DNAH12: variants seen among roughly 807,000 people sequenced by gnomAD.
DNAH12 encodes the protein dynein axonemal heavy chain 12, also known as axonemal beta dynein heavy chain 12.
DNAH12 carries 285 observed loss-of-function variants against 371.5 expected under a neutral mutation model. The observed-to-expected ratio is 0.77, with a 90% CI of 0.70 to 0.85. The LOEUF (loss-of-function observed/expected upper bound fraction) is 0.85. DNAH12 is among the 40% of genes least tolerant of loss of function. The probability of loss-of-function intolerance (pLI) is 0.00; values close to 1 mark genes in which losing one functional copy is unlikely to be tolerated. For missense variants in DNAH12, 3,611 were observed against 3,689.4 expected, an observed-to-expected ratio of 0.98 and a Z score of 0.55; for synonymous variants, 1,200 against 1,213.0, an observed-to-expected ratio of 0.99 and a Z score of 0.22.
chr3:57,507,321 T>C (rs1383522123), intron 8 of DNAH12, among the ~76,000 whole-genome samples: 1 of 152,104 alleles, frequency 6.6e-6, no homozygotes, highest in African/African-American at 2.4e-5. Context: ...TCAATCAACT[T>C]GGAATCTAAT....
Position 57,361,333 on chromosome 3 carries a change from G to C in DNAH12, c.9360+2261C>G, listed in dbSNP as rs921667681. ...CACTGCACTCCAGCCTGGACAACAA[G>C]AGTAAAACTCTGTCTCAAAAAATAT... On this transcript the variant is annotated intron_variant, in intron 58 of 73. Coordinates refer to ENST00000495027, the MANE Select transcript of DNAH12 (RefSeq NM_001366028.2). 1.5e-4 allele frequency among the ~76,000 whole-genome samples: 23 copies of C among 150,870 alleles called. No homozygotes were observed. The East Asian group carries it at 3.9e-3, about 26-fold the overall frequency.
intron 62 of DNAH12, among the ~76,000 whole-genome samples, chr3:57,330,449 A>C (rs1367494601): frequency 6.6e-6 from 1 of 151,932 alleles, no homozygotes; most frequent in Non-Finnish European, 1.5e-5. Flanking sequence ...CATTCTCAGC[A>C]AACAATTGCA....
At chr3:57,334,989 G>A in intron 60 of DNAH12, 49 bp from the exon 61 acceptor site, 3 of 1,505,084 alleles carry the variant, frequency 2.0e-6, no homozygotes, top group Non-Finnish European at 2.7e-6. Context: ...TTTTAAAATT[G>A]AATGATGTCA....
At chr3:57,332,499 CAA>C (rs1040387167) in intron 62 of DNAH12, among the ~76,000 whole-genome samples, 3 of 152,158 alleles carry the variant, frequency 2.0e-5, no homozygotes, top group Non-Finnish European at 2.9e-5. Context: ...AAAAAGAAAA[CAA>C]ACTGAACGCT....
At position 57,350,367 on chromosome 3, in the gene DNAH12, T is replaced by C. The variant is rs145909277; in HGVS notation, c.9674+1718A>G. On this transcript the variant is annotated intron_variant, in intron 60 of 73. Coordinates refer to ENST00000495027, the MANE Select transcript of DNAH12 (RefSeq NM_001366028.2). ...ACACATACACATTAATGGAACTGAA[T>C]AGACAGTCCAGAAACAGATCTAGAT... Among the ~76,000 whole-genome samples the C allele has an allele frequency of 1.0e-3, 157 of 152,256 alleles. 1 individual carries two copies. The highest frequency in any genetic ancestry group is 3.6e-3 in the African/African-American group (148 of 41,532).
intron 17 of DNAH12, among the ~76,000 whole-genome samples, chr3:57,463,243 C>T (rs1039937934): frequency 1.3e-5 from 2 of 150,922 alleles, no homozygotes; most frequent in African/African-American, 4.9e-5. Flanking sequence ...TACTGCACTC[C>T]GGCCTGGGTG....
At chr3:57,468,372 C>T (rs1044887715) in intron 17 of DNAH12, among the ~76,000 whole-genome samples, 2 of 152,098 alleles carry the variant, frequency 1.3e-5, no homozygotes, top group African/African-American at 4.8e-5. Context: ...CCTGTAATCC[C>T]AGCACTTTGG....
chr3:57,374,262 A>C (rs1262390509), intron 55 of DNAH12, among the ~76,000 whole-genome samples: 4 of 152,166 alleles, frequency 2.6e-5, no homozygotes, highest in African/African-American at 9.7e-5. Context: ...TAATAATAAT[A>C]CCTAACTCAC....
At position 57,507,855 on chromosome 3, in the gene DNAH12, G is replaced by T. The variant is rs758041263; in HGVS notation, c.702-17C>A. ...CCTTTAGCTCTATTTATGAGAAAAAGAAATGTGATTTGAAGCAAATGATAC... is the reference window on the plus strand; with the variant it reads ...CCTTTAGCTCTATTTATGAGAAAAATAAATGTGATTTGAAGCAAATGATAC... On this transcript the variant is annotated splice_polypyrimidine_tract_variant and intron_variant, in intron 7 of 73. Coordinates refer to ENST00000495027, the MANE Select transcript of DNAH12 (RefSeq NM_001366028.2). 6.5e-7 allele frequency: 1 copy of T among 1,549,350 alleles called. No individual in the cohort carries two copies. The highest frequency in any genetic ancestry group is 2.3e-5 in the East Asian group (1 of 42,564).
At chr3:57,385,825 G>A (rs2063489867) in intron 47 of DNAH12, among the ~76,000 whole-genome samples, 1 of 152,104 alleles carries the variant, frequency 6.6e-6, no homozygotes, top group Non-Finnish European at 1.5e-5. Context: ...GAGCTGCAGT[G>A]AGCCGAGATT....
At chr3:57,301,482 C>T (rs1304718809) in intron 70 of DNAH12, among the ~76,000 whole-genome samples, 1 of 151,834 alleles carries the variant, frequency 6.6e-6, no homozygotes, top group Non-Finnish European at 1.5e-5. Context: ...TTTAATTTTC[C>T]ACTCAGTACT....
chr3:57,534,755 C>T (rs556915230), intron 2 of DNAH12, among the ~76,000 whole-genome samples: 2 of 152,166 alleles, frequency 1.3e-5, no homozygotes, highest in African/African-American at 2.4e-5. Flanking sequence ...GTGATCCACC[C>T]GCCTTGGCCT....
At chr3:57,514,581 G>A (rs1482800226) in intron 4 of DNAH12, among the ~76,000 whole-genome samples, 1 of 151,992 alleles carries the variant, frequency 6.6e-6, no homozygotes, top group East Asian at 1.9e-4. Flanking sequence ...AGAAAGTATG[G>A]GGGCATGGGA....
intron 70 of DNAH12, 56 bp from the exon 71 acceptor site, chr3:57,297,040 C>A: frequency 6.5e-7 from 1 of 1,531,468 alleles, no homozygotes; most frequent in Non-Finnish European, 8.8e-7. Context: ...ACAAGTGCCA[C>A]CTGATGTACA....
chr3:57,472,092 T>G (rs1030605424), intron 14 of DNAH12, among the ~76,000 whole-genome samples: 2 of 152,180 alleles, frequency 1.3e-5, no homozygotes, highest in Non-Finnish European at 2.9e-5. Context: ...CCAATTCAGG[T>G]TAAACTGATT....
At chr3:57,422,208 T>C (rs2153361609) in intron 35 of DNAH12, among the ~76,000 whole-genome samples, 1 of 151,276 alleles carries the variant, frequency 6.6e-6, no homozygotes, top group South Asian at 2.1e-4. Context: ...CTACCGTGCC[T>C]GGCCCAATAT....
At chr3:57,492,353 G>A (rs1454328099) in intron 11 of DNAH12, among the ~76,000 whole-genome samples, 3 of 151,742 alleles carry the variant, frequency 2.0e-5, no homozygotes, top group East Asian at 2.0e-4. Context: ...CCAGCTACTC[G>A]GGAGGCTGAG....
chr3:57,514,560 T>C (rs1042014533), intron 4 of DNAH12, among the ~76,000 whole-genome samples: 3 of 151,906 alleles, frequency 2.0e-5, no homozygotes, highest in Non-Finnish European at 4.4e-5. Context: ...AAAGAGTAGC[T>C]TGGAACAGAC....
Position 57,387,229 on chromosome 3 carries a change from AG to A in DNAH12, c.7306-11del, listed in dbSNP as rs2063514114. On this transcript the variant is annotated splice_polypyrimidine_tract_variant and intron_variant, in intron 45 of 73. Coordinates refer to ENST00000495027, the MANE Select transcript of DNAH12 (RefSeq NM_001366028.2). ...CATCTTCAGGCCATGACTAAAAATA[AG>A]AAAAAGAAAAACACTTGAAATTTAA... 1 of 152,202 alleles carries A rather than the reference AG, an allele frequency of 6.6e-6. No homozygotes were observed. The highest frequency in any genetic ancestry group is 2.4e-5 in the African/African-American group (1 of 41,448). 9.4% of individuals were successfully genotyped at this position (152,202 alleles called of 1,614,324 possible).
Sources: allele counts gnomAD v4.1 joint callset (sites outside exome capture counted in the v4.1 genomes callset), GRCh38; gene constraint gnomAD v4.1.1; transcripts MANE v1.5; gene names NCBI Gene and HGNC (gene_info 2026-07-23, HGNC 2026-07-21).